Variants in CFAP61 observed in about 807,000 individuals in gnomAD.
CFAP61 encodes the protein cilia- and flagella-associated protein 61.
In CFAP61, 107 loss-of-function variants were observed where a neutral mutation model predicts 135.6. The ratio of observed to expected loss-of-function variants is 0.79; its 90% CI spans 0.67 to 0.93. The LOEUF is 0.93. CFAP61 is among the 40% of genes least tolerant of loss of function. The probability of loss-of-function intolerance (pLI) is 0.00; values close to 1 mark genes in which losing one functional copy is unlikely to be tolerated. For synonymous variants in CFAP61, 575 were observed against 578.5 expected (o/e 0.99, Z 0.09); for missense variants, 1,507 against 1,556.2 (o/e 0.97, Z 0.53).
chr20:20,057,369 AGTG>A (rs919493685), intron 2 of CFAP61, among the ~76,000 whole-genome samples: 29 of 152,318 alleles, frequency 1.9e-4, no homozygotes, highest in African/African-American at 6.5e-4. Flanking sequence ...CTCACTCACT[AGTG>A]GAGTCACTTA....
chr20:20,298,272 T>C lies in CFAP61; in HGVS notation c.3308T>C (p.Leu1103Pro). Residue 1103 changes from leucine (L) to proline (P), a missense_variant, in exon 25 of 27, where the codon CTT becomes CCT. Transcript: ENST00000245957. ...KYKMVETITC[L>P]SREPFPASNY... ...AAAATGGTGGAAACCATCACGTGCC[T>C]TTCTAGGGAGCCCTTCCCCGCCTCC... 6.2e-7 allele frequency: 1 copy of C among 1,614,094 alleles called. No individual in the cohort carries two copies. The highest frequency in any genetic ancestry group is 1.6e-4 in the Middle Eastern group (1 of 6,062).
chr20:20,196,566 G>A lies in CFAP61; in HGVS notation c.1591-4G>A, dbSNP rs140707912. ...AGAAACCATCCCTTCTGTCTCTTCT[G>A]TAGGACATTGAGTACATACGGTCCC... On this transcript the variant is annotated splice_region_variant and splice_polypyrimidine_tract_variant and intron_variant, in intron 15 of 26. Transcript: ENST00000245957. 176 of 1,605,884 alleles carry A rather than the reference G, an allele frequency of 1.1e-4. No homozygotes were observed. The highest frequency in any genetic ancestry group is 1.4e-4 in the Non-Finnish European group (169 of 1,172,690).
At chr20:20,311,720 G>A (rs2056839615) in intron 25 of CFAP61, among the ~76,000 whole-genome samples, 1 of 152,204 alleles carries the variant, frequency 6.6e-6, no homozygotes, top group Admixed American at 6.5e-5. Context: ...GAGATGTGCA[G>A]AAGCCTCCCC....
intron 7 of CFAP61, among the ~76,000 whole-genome samples, chr20:20,096,380 G>A (rs990529512): frequency 3.9e-5 from 6 of 152,208 alleles, no homozygotes; most frequent in South Asian, 2.1e-4. Context: ...ATTGGAGAAC[G>A]TTAAATCTTT....
Position 20,327,689 on chromosome 20 carries a change from A to T in CFAP61, c.3423-14142A>T, listed in dbSNP as rs147353442. Among the ~76,000 whole-genome samples the T allele has an allele frequency of 2.2e-3, 318 of 147,890 alleles. 1 individual carries two copies. The highest frequency in any genetic ancestry group is 7.6e-3 in the African/African-American group (306 of 40,382). On this transcript the variant is annotated intron_variant, in intron 25 of 26. Coordinates refer to ENST00000245957, the MANE Select transcript of CFAP61 (RefSeq NM_015585.4). ...ATAATCAAGATCTTCCCCAAGAGGAAGTGGAGCTATCTACCCAATCCTAGA... is the reference window on the plus strand; with the variant it reads ...ATAATCAAGATCTTCCCCAAGAGGATGTGGAGCTATCTACCCAATCCTAGA...
At chr20:20,185,874 G>A (rs1265513881) in intron 13 of CFAP61, among the ~76,000 whole-genome samples, 1 of 152,092 alleles carries the variant, frequency 6.6e-6, no homozygotes, top group African/African-American at 2.4e-5. Flanking sequence ...ATCAAATAAA[G>A]ACCTTTTTCT....
At chr20:20,330,916 G>T (rs796825138) in intron 25 of CFAP61, among the ~76,000 whole-genome samples, 28 of 152,300 alleles carry the variant, frequency 1.8e-4, no homozygotes, top group African/African-American at 5.8e-4. Flanking sequence ...TGATCACTTG[G>T]TTAGAATGGA....
intron 13 of CFAP61, among the ~76,000 whole-genome samples, chr20:20,183,639 G>A (rs894100485): frequency 2.0e-5 from 3 of 150,904 alleles, no homozygotes; most frequent in Admixed American, 6.7e-5. Flanking sequence ...GAAATTAATT[G>A]TAACATTTAT....
At chr20:20,309,216 T>C (rs1186396398) in intron 25 of CFAP61, among the ~76,000 whole-genome samples, 1 of 152,218 alleles carries the variant, frequency 6.6e-6, no homozygotes, top group Non-Finnish European at 1.5e-5. Flanking sequence ...TAAGCATATT[T>C]GTTTAATTTT....
chr20:20,242,617 GA>G (rs2050101327), intron 18 of CFAP61, among the ~76,000 whole-genome samples: 2 of 152,194 alleles, frequency 1.3e-5, no homozygotes, highest in Non-Finnish European at 2.9e-5. Context: ...TCTTACCTAT[GA>G]AATGTGGATC....
intron 2 of CFAP61, chr20:20,069,659 CAA>C: frequency 2.3e-6 from 1 of 440,740 alleles, no homozygotes; most frequent in Non-Finnish European, 4.5e-6. Flanking sequence ...AGACAGAAAC[CAA>C]AGTGTTGACA....
At chr20:20,165,736 G>A (rs1430582458) in intron 11 of CFAP61, among the ~76,000 whole-genome samples, 1 of 152,136 alleles carries the variant, frequency 6.6e-6, no homozygotes, top group South Asian at 2.1e-4. Context: ...CCTCTTCAGA[G>A]GATCTGTTTA....
chr20:20,162,633 T>C (rs2053498056), intron 10 of CFAP61, among the ~76,000 whole-genome samples: 1 of 151,930 alleles, frequency 6.6e-6, no homozygotes, highest in African/African-American at 2.4e-5. Context: ...ACTTACAAAA[T>C]AGGAGCTGCA....
intron 1 of CFAP61, among the ~76,000 whole-genome samples, chr20:20,054,827 G>A (rs1036732503): frequency 2.4e-4 from 37 of 152,136 alleles, no homozygotes; most frequent in Admixed American, 2.2e-3. Flanking sequence ...TTAGGGTTTT[G>A]TAGTTTTACT....
At chr20:20,054,013 G>GTTTTTTTTTTTTTTTT (rs1239349657) in intron 1 of CFAP61, among the ~76,000 whole-genome samples, 10 of 59,032 alleles carry the variant, frequency 1.7e-4, no homozygotes, top group Non-Finnish European at 2.5e-4. Context: ...TTTTTTGTTT[G>GTTTTTTTTTTTTTTTT]TTTTTTTTTT....
chr20:20,345,074 T>C (rs1325355320), intron 26 of CFAP61, among the ~76,000 whole-genome samples: 1 of 152,140 alleles, frequency 6.6e-6, no homozygotes, highest in Non-Finnish European at 1.5e-5. Context: ...TTGGAGATAG[T>C]AGAATGATGG....
chr20:20,294,099 T>C (rs1424072953), intron 24 of CFAP61, among the ~76,000 whole-genome samples: 3 of 152,272 alleles, frequency 2.0e-5, no homozygotes, highest in African/African-American at 2.4e-5. Flanking sequence ...TTTGCTCGTA[T>C]ACTTAAAATA....
intron 24 of CFAP61, among the ~76,000 whole-genome samples, chr20:20,296,848 G>T (rs555037042): frequency 3.9e-5 from 6 of 152,030 alleles, no homozygotes; most frequent in African/African-American, 7.2e-5. Flanking sequence ...TAATTTTTTT[G>T]AATACATTGT....
intron 24 of CFAP61, among the ~76,000 whole-genome samples, chr20:20,290,874 G>T (rs1037194935): frequency 6.6e-6 from 1 of 152,170 alleles, no homozygotes; most frequent in African/African-American, 2.4e-5. Flanking sequence ...CCAACATCTT[G>T]ACTGAAAACT....
Sources: allele counts gnomAD v4.1 joint callset (sites outside exome capture counted in the v4.1 genomes callset), GRCh38; gene constraint gnomAD v4.1.1; transcripts MANE v1.5; gene names NCBI Gene and HGNC (gene_info 2026-07-23, HGNC 2026-07-21).